The following NME9 variants were observed in gnomAD, a reference collection of about 807,000 sequenced individuals.
The protein encoded by NME9 is NME/NM23 family member 9.
A neutral mutation model predicts 44.4 loss-of-function variants in NME9; 48 were observed. The ratio of observed to expected loss-of-function variants is 1.08; its 90% CI spans 0.86 to 1.37. NME9 has a LOEUF of 1.37. Ranked by LOEUF, NME9 falls within the 40% of genes most tolerant of loss-of-function variation. The pLI, the probability that NME9 is intolerant of heterozygous loss-of-function variation, is 0.00. For missense variants in NME9, 325 were observed against 405.2 expected, an observed-to-expected ratio of 0.80 and a Z score of 1.70; for synonymous variants, 139 against 147.1, an observed-to-expected ratio of 0.94 and a Z score of 0.40.
At chr3:138,262,728 A>G in intron 8 of NME9, 1 of 857,772 alleles carries the variant, frequency 1.2e-6, no homozygotes, top group East Asian at 2.8e-5. Flanking sequence ...AGGACAACCA[A>G]GGTTAAGATC....
intron 8 of NME9, among the ~76,000 whole-genome samples, chr3:138,275,867 G>GA (rs892883507): frequency 6.6e-6 from 1 of 151,996 alleles, no homozygotes; most frequent in Non-Finnish European, 1.5e-5. Flanking sequence ...GTGTTTTGAT[G>GA]AAAAAAATTT....
chr3:138,305,027 C>A lies in NME9; in HGVS notation c.637G>T (p.Glu213Ter). The change falls in exon 9 of 11, where the codon GAG becomes TAG. Residue 213 changes from glutamate (E) to a stop codon, truncating the protein, a stop_gained and splice_region_variant. Coordinates refer to ENST00000333911, the MANE Select transcript of NME9 (RefSeq NM_001349018.2). LOFTEE classifies it high-confidence loss of function. ...TGATGTACCAGCTTCTCAAATGCCTCCTAGGCACAGGGAGGGAAAACAGTG... is the reference window on the plus strand; with the variant it reads ...TGATGTACCAGCTTCTCAAATGCCTACTAGGCACAGGGAGGGAAAACAGTG... ...RLFYQHKAGE[E>*]AFEKLVHHMC... is the part of the protein sequence containing the mutation. The A allele has an allele frequency of 6.2e-7, 1 of 1,613,660 alleles. No individual in the cohort carries two copies. Among genetic ancestry groups the A allele is most frequent in the Non-Finnish European group, 8.5e-7 (1 of 1,179,748 alleles).
chr3:138,305,542 C>T (rs1323902605), intron 8 of NME9, among the ~76,000 whole-genome samples: 2 of 152,176 alleles, frequency 1.3e-5, no homozygotes, highest in Non-Finnish European at 2.9e-5. Flanking sequence ...CCAACACACA[C>T]ACACACCCCT....
intron 8 of NME9, among the ~76,000 whole-genome samples, chr3:138,292,108 G>T (rs2051008684): frequency 6.6e-6 from 1 of 152,036 alleles, no homozygotes; most frequent in Admixed American, 6.6e-5. Flanking sequence ...CGTGATCTTG[G>T]CTCACTGAAA....
intron 8 of NME9, among the ~76,000 whole-genome samples, chr3:138,274,793 C>T (rs746341124): frequency 2.0e-5 from 3 of 152,204 alleles, no homozygotes; most frequent in Non-Finnish European, 4.4e-5. Context: ...CTGTCCCTGT[C>T]TCTACAGGAG....
intron 10 of NME9, chr3:138,303,159 G>A (rs986906593): frequency 9.2e-6 from 2 of 217,474 alleles, no homozygotes; most frequent in East Asian, 1.9e-4. Flanking sequence ...AGCAGGTCTG[G>A]CCTCTGACTG....
intron 10 of NME9, 187 bp downstream of exon 10, chr3:138,303,320 A>G (rs1459452041): frequency 1.1e-5 from 5 of 453,746 alleles, no homozygotes; most frequent in African/African-American, 1.9e-5. Context: ...CTGTTGCTCT[A>G]TGAGAACACA....
chr3:138,303,914 C>T (rs554774925), intron 9 of NME9, among the ~76,000 whole-genome samples: 1 of 152,246 alleles, frequency 6.6e-6, no homozygotes, highest in East Asian at 1.9e-4. Context: ...TACTGTTACC[C>T]CCATTTTAAA....
chr3:138,271,928 T>C (rs1037131005), intron 8 of NME9, among the ~76,000 whole-genome samples: 9 of 152,178 alleles, frequency 5.9e-5, no homozygotes, highest in African/African-American at 1.7e-4. Context: ...CCTGAGTAGC[T>C]GGGATTACAG....
At chr3:138,287,159 C>T (rs901194449) in intron 8 of NME9, among the ~76,000 whole-genome samples, 3 of 152,192 alleles carry the variant, frequency 2.0e-5, no homozygotes, top group African/African-American at 2.4e-5. Context: ...TAAATCAGAT[C>T]TTGTCCCTCC....
intron 6 of NME9, among the ~76,000 whole-genome samples, chr3:138,312,595 AAT>A (rs774351171): frequency 3.2e-4 from 49 of 152,218 alleles, no homozygotes; most frequent in Admixed American, 2.6e-3. Flanking sequence ...ACCATATACA[AAT>A]ACAAAATCAA....
intron 5 of NME9, 80 bp from the exon 6 acceptor site, chr3:138,314,487 A>G (rs892436767): frequency 1.2e-6 from 1 of 825,760 alleles, no homozygotes; most frequent in East Asian, 2.7e-5. Flanking sequence ...TGTAGAAACT[A>G]AAAAAAGCAA....
At chr3:138,292,950 A>G (rs2051110014) in intron 8 of NME9, among the ~76,000 whole-genome samples, 1 of 152,176 alleles carries the variant, frequency 6.6e-6, no homozygotes, top group South Asian at 2.1e-4. Flanking sequence ...AAGGAAAAAG[A>G]TGCCTGGACG....
chr3:138,284,334 C>T (rs2050203597), intron 8 of NME9: 2 of 833,288 alleles, frequency 2.4e-6, no homozygotes, highest in South Asian at 3.0e-5. Flanking sequence ...TGTGAGAATC[C>T]ATGTACCTTC....
chr3:138,267,226 T>C, intron 8 of NME9: 1 of 1,571,158 alleles, frequency 6.4e-7, no homozygotes. Flanking sequence ...TTCTTGAATT[T>C]TCTCCAAGCA....
intron 8 of NME9, chr3:138,295,747 C>T: frequency 8.0e-7 from 1 of 1,242,458 alleles, no homozygotes; most frequent in Non-Finnish European, 1.1e-6. Flanking sequence ...ACCCCAATTC[C>T]CTCTGGAGAT....
intron 8 of NME9, among the ~76,000 whole-genome samples, chr3:138,267,747 TA>T (rs1160856677): frequency 1.3e-5 from 2 of 152,194 alleles, no homozygotes; most frequent in Non-Finnish European, 2.9e-5. Context: ...TTCTTTTTTT[TA>T]ATAGGAAAAA....
At chr3:138,269,981 G>A (rs1376214003) in intron 8 of NME9, 1 of 1,208,494 alleles carries the variant, frequency 8.3e-7, no homozygotes, top group East Asian at 2.3e-5. Context: ...GTATATGCAT[G>A]TTTAGTTTGC....
At chr3:138,267,205 G>A (rs755737830) in intron 8 of NME9, 2 of 1,581,040 alleles carry the variant, frequency 1.3e-6, no homozygotes, top group South Asian at 2.3e-5. Flanking sequence ...CTTCCATGCT[G>A]TGTAATCTTC....
Sources: gnomAD v4.1 joint callset for allele counts (sites outside exome capture counted in the v4.1 genomes callset) on GRCh38, gnomAD v4.1.1 for gene constraint, MANE v1.5 for transcripts, NCBI Gene and HGNC (gene_info 2026-07-23, HGNC 2026-07-21) for gene names.